The following COL15A1 variants were observed in gnomAD, a reference collection of about 807,000 sequenced individuals.
The protein encoded by COL15A1 is collagen type XV alpha 1 chain.
A neutral mutation model predicts 165.9 loss-of-function variants in COL15A1; 111 were observed. The observed-to-expected ratio is 0.67, with a 90% confidence interval of 0.57 to 0.78. The LOEUF is 0.78. COL15A1 is among the 30% of genes least tolerant of loss of function. The probability of loss-of-function intolerance (pLI) is 0.00; values close to 1 mark genes in which losing one functional copy is unlikely to be tolerated. For missense variants in COL15A1, 1,745 were observed against 1,789.7 expected, an observed-to-expected ratio of 0.98 and a Z score of 0.45; for synonymous variants, 659 against 674.8, an observed-to-expected ratio of 0.98 and a Z score of 0.36.
At chr9:99,037,532 A>C (rs1839324161) in intron 21 of COL15A1, among the ~76,000 whole-genome samples, 1 of 152,226 alleles carries the variant, frequency 6.6e-6, no homozygotes, top group African/African-American at 2.4e-5. Flanking sequence ...CAGCCTGGGC[A>C]ACATAGCAAG....
At chr9:98,971,622 A>T (rs1002626379) in intron 2 of COL15A1, among the ~76,000 whole-genome samples, 1 of 152,196 alleles carries the variant, frequency 6.6e-6, no homozygotes, top group African/African-American at 2.4e-5. Flanking sequence ...GGAAGGGGGT[A>T]AAGGAAGGGA....
intron 5 of COL15A1, among the ~76,000 whole-genome samples, chr9:98,990,612 C>A (rs1838403043): frequency 6.6e-6 from 1 of 152,224 alleles, no homozygotes; most frequent in African/African-American, 2.4e-5. Flanking sequence ...GTGCCAACAG[C>A]CCAAGGTTGC....
rs200584523 is a variant in COL15A1 at position 99,024,883 on chromosome 9, G to A, written c.1864G>A (p.Gly622Arg). ...GSEQLLRGPP[G>R]PPGPPGLPGI... ...GTCTTTGTGTTTTTAGGGTCCTCCA[G>A]GACCCCCAGGGCCACCTGGCTTACC... Residue 622 changes from glycine (G) to arginine (R), a missense_variant, in exon 15 of 42, where the codon GGA becomes AGA. Transcript: ENST00000375001. 3.2e-5 allele frequency: 51 copies of A among 1,613,398 alleles called. No individual in the cohort carries two copies. Among genetic ancestry groups the A allele is most frequent in the Non-Finnish European group, 4.2e-5 (50 of 1,179,754 alleles).
At chr9:99,063,365 G>A (rs1180875341) in intron 39 of COL15A1, among the ~76,000 whole-genome samples, 1 of 152,202 alleles carries the variant, frequency 6.6e-6, no homozygotes, top group Non-Finnish European at 1.5e-5. Flanking sequence ...AAGGACAGCT[G>A]AGTTCGGGAG....
At chr9:99,021,826 A>G (rs1839033300) in intron 12 of COL15A1, among the ~76,000 whole-genome samples, 1 of 152,184 alleles carries the variant, frequency 6.6e-6, no homozygotes, top group African/African-American at 2.4e-5. Context: ...AAATCCTGGA[A>G]GAAGGGAGGG....
At chr9:98,999,914 G>A (rs1299571905) in intron 6 of COL15A1, among the ~76,000 whole-genome samples, 1 of 150,924 alleles carries the variant, frequency 6.6e-6, no homozygotes, top group Non-Finnish European at 1.5e-5. Context: ...GAGTGCAGTG[G>A]CACAATCTCA....
At chr9:98,955,706 G>A (rs1837765724) in intron 2 of COL15A1, among the ~76,000 whole-genome samples, 1 of 152,234 alleles carries the variant, frequency 6.6e-6, no homozygotes, top group Admixed American at 6.5e-5. Flanking sequence ...TTCTGGCATA[G>A]GAAAGTTACA....
At chr9:98,964,484 C>T (rs1259536247) in intron 2 of COL15A1, among the ~76,000 whole-genome samples, 1 of 152,222 alleles carries the variant, frequency 6.6e-6, no homozygotes. Flanking sequence ...TGTCTCTTTG[C>T]ACAACTGAGC....
chr9:98,949,339 T>G (rs1008422551), intron 2 of COL15A1, among the ~76,000 whole-genome samples: 1 of 152,266 alleles, frequency 6.6e-6, no homozygotes, highest in Non-Finnish European at 1.5e-5. Flanking sequence ...AGTGTCGCTC[T>G]GAACATTCTT....
intron 14 of COL15A1, among the ~76,000 whole-genome samples, chr9:99,023,744 G>A (rs114597581): frequency 9.0e-4 from 137 of 152,304 alleles, no homozygotes; most frequent in African/African-American, 3.2e-3. Flanking sequence ...CCCTGCAGCA[G>A]GTGTGCCCAG....
chr9:98,984,433 C>T (rs1451013951), intron 2 of COL15A1, among the ~76,000 whole-genome samples: 1 of 152,226 alleles, frequency 6.6e-6, no homozygotes, highest in Non-Finnish European at 1.5e-5. Context: ...GGCATAGCCT[C>T]TGGGGTCAGA....
In COL15A1 at chr9:99,015,478, C is replaced by A. The variant is rs1317797454; in HGVS notation, c.1415C>A (p.Thr472Asn). ...GCTGCAACCGAAGTGTCCCTCAGTA[C>A]TTTTGAGGATGAGGAAGCCAGTGGG... ...AAAATEVSLS[T>N]FEDEEASGVP... The change falls in exon 10 of 42, where the codon ACT becomes AAT. Residue 472 changes from threonine to asparagine, a missense_variant. Coordinates refer to ENST00000375001, the MANE Select transcript of COL15A1 (RefSeq NM_001855.5). 1 of 1,606,628 alleles carries A rather than the reference C, an allele frequency of 6.2e-7. No individual in the cohort carries two copies. Among genetic ancestry groups the A allele is most frequent in the Admixed American group, 1.7e-5 (1 of 60,024 alleles).
At chr9:99,059,837 C>A (rs998770431) in intron 35 of COL15A1, 52 bp from the exon 36 acceptor site, 9 of 1,603,154 alleles carry the variant, frequency 5.6e-6, no homozygotes, top group African/African-American at 2.7e-5. Context: ...ATACCTCAGA[C>A]ATTTTTCAGA....
chr9:99,015,334 C>T (rs181265244), intron 9 of COL15A1, 83 bp from the exon 10 acceptor site: 198 of 893,882 alleles, frequency 2.2e-4, no homozygotes, highest in Non-Finnish European at 3.2e-4. Context: ...GAGGCTTTAG[C>T]GCTTTCCACC....
rs1441638459 is a variant in COL15A1 at position 99,023,395 on chromosome 9, C to T, written c.1800C>T (p.Gly600=). 1 of 1,609,162 alleles carries T rather than the reference C, an allele frequency of 6.2e-7. No homozygotes were observed. Among genetic ancestry groups the T allele is most frequent in the Admixed American group, 1.7e-5 (1 of 59,994 alleles). ...AEAEGSGLGW[G]SDVGSGSGDL... ...CAGAGGGCTCTGGCCTAGGCTGGGG[C>T]TCGGACGTCGGCTCTGGCTCTGGTG... is the stretch of plus-strand genomic sequence containing the variant. Residue 600 remains glycine (G), a synonymous_variant, in exon 14 of 42, where the codon GGC becomes GGT. Transcript: ENST00000375001.
chr9:99,035,179 A>G, intron 18 of COL15A1, 25 bp downstream of exon 18: 1 of 1,582,340 alleles, frequency 6.3e-7, no homozygotes, highest in Non-Finnish European at 8.6e-7. Context: ...TTCTGTGGTT[A>G]TAAAAATGAT....
chr9:99,024,889 C>T lies in COL15A1; in HGVS notation c.1870C>T (p.Pro624Ser), dbSNP rs766944516. 36 of 1,613,794 alleles carry T rather than the reference C, an allele frequency of 2.2e-5. No individual in the cohort carries two copies. In the South Asian group the frequency reaches 3.7e-4, roughly 17 times the overall value. Residue 624 changes from proline (P) to serine (S), a missense_variant, in exon 15 of 42, where the codon CCA becomes TCA. Pro to Ser is a moderately conservative substitution (Grantham distance 74). Transcript: ENST00000375001. ...EQLLRGPPGP[P>S]GPPGLPGIPG... ...GTGTTTTTAGGGTCCTCCAGGACCC[C>T]CAGGGCCACCTGGCTTACCTGGGAT...
At chr9:99,022,963 C>T (rs2119011501) in intron 13 of COL15A1, among the ~76,000 whole-genome samples, 1 of 152,320 alleles carries the variant, frequency 6.6e-6, no homozygotes, top group East Asian at 1.9e-4. Context: ...CCACGCACAA[C>T]TAAGCTTCGA....
At chr9:98,975,116 G>C (rs900942252) in intron 2 of COL15A1, among the ~76,000 whole-genome samples, 1 of 152,240 alleles carries the variant, frequency 6.6e-6, no homozygotes, top group Non-Finnish European at 1.5e-5. Context: ...GCACGGTCCC[G>C]GGGCGTCCTC....
Sources: gnomAD v4.1 joint callset for allele counts (sites outside exome capture counted in the v4.1 genomes callset) on GRCh38, gnomAD v4.1.1 for gene constraint, MANE v1.5 for transcripts, NCBI Gene and HGNC (gene_info 2026-07-23, HGNC 2026-07-21) for gene names.